VSNL1: variants seen among roughly 807,000 people sequenced by gnomAD.
VSNL1 encodes the protein visinin-like protein 1.
A neutral mutation model predicts 20.4 loss-of-function variants in VSNL1; 6 were observed. The ratio of observed to expected loss-of-function variants is 0.29; its 90% CI spans 0.16 to 0.58. The LOEUF (loss-of-function observed/expected upper bound fraction) is 0.58, where lower values mean the gene tolerates loss of function less well. VSNL1 is among the 20% of genes least tolerant of loss of function. VSNL1 has a pLI of 0.90. For missense variants in VSNL1, 100 were observed against 234.5 expected, an observed-to-expected ratio of 0.43 and a Z score of 3.75; for synonymous variants, 93 against 86.4, an observed-to-expected ratio of 1.08 and a Z score of -0.42.
chr2:17,647,992 T>C (rs1319557101), intron 2 of VSNL1, among the ~76,000 whole-genome samples: 6 of 152,124 alleles, frequency 3.9e-5, no homozygotes, highest in African/African-American at 1.2e-4. Context: ...GGAAAAGATA[T>C]GTTTGATGAA....
intron 2 of VSNL1, among the ~76,000 whole-genome samples, chr2:17,614,247 A>T (rs984683443): frequency 6.6e-6 from 1 of 152,230 alleles, no homozygotes; most frequent in African/African-American, 2.4e-5. Context: ...GGCAGCTCTT[A>T]GGAGGGGGCA....
intron 2 of VSNL1, among the ~76,000 whole-genome samples, chr2:17,620,708 A>G (rs1665334730): frequency 6.6e-6 from 1 of 152,222 alleles, no homozygotes; most frequent in East Asian, 1.9e-4. Context: ...ATTGTCTTTT[A>G]TCGAGTGACG....
chr2:17,643,327 T>G (rs190989446), intron 2 of VSNL1, among the ~76,000 whole-genome samples: 1 of 152,312 alleles, frequency 6.6e-6, no homozygotes, highest in East Asian at 1.9e-4. Flanking sequence ...AAAGTGCAAG[T>G]GCTGCTCTGG....
At chr2:17,596,185 G>T (rs1260314197) in intron 2 of VSNL1, among the ~76,000 whole-genome samples, 2 of 152,154 alleles carry the variant, frequency 1.3e-5, no homozygotes, top group African/African-American at 4.8e-5. Flanking sequence ...CTGATAGAAA[G>T]ATGCCTTCTG....
chr2:17,601,787 T>G (rs1270393066), intron 2 of VSNL1, among the ~76,000 whole-genome samples: 1 of 151,582 alleles, frequency 6.6e-6, no homozygotes. Context: ...ATACAAAAAT[T>G]AGCTGGGTGT....
chr2:17,651,375 G>C (rs1666118339), intron 3 of VSNL1, among the ~76,000 whole-genome samples: 1 of 152,216 alleles, frequency 6.6e-6, no homozygotes, highest in South Asian at 2.1e-4. Context: ...GAGGTTTACT[G>C]TGGATTGGTT....
At chr2:17,549,192 C>A (rs531698555) in intron 1 of VSNL1, among the ~76,000 whole-genome samples, 1 of 152,240 alleles carries the variant, frequency 6.6e-6, no homozygotes, top group South Asian at 2.1e-4. Context: ...TCTCAAATAA[C>A]ACCAAATAAA....
chr2:17,645,377 A>C (rs1459360324), intron 2 of VSNL1, among the ~76,000 whole-genome samples: 3 of 152,264 alleles, frequency 2.0e-5, no homozygotes, highest in Non-Finnish European at 4.4e-5. Flanking sequence ...GAGGCAGTGA[A>C]CCAGGGATCT....
chr2:17,554,009 T>C (rs1249146612), intron 1 of VSNL1, among the ~76,000 whole-genome samples: 1 of 152,180 alleles, frequency 6.6e-6, no homozygotes, highest in Non-Finnish European at 1.5e-5. Flanking sequence ...TGGGTAGATC[T>C]AAAACCATGT....
At chr2:17,582,581 G>T (rs894735869) in intron 1 of VSNL1, among the ~76,000 whole-genome samples, 1 of 152,112 alleles carries the variant, frequency 6.6e-6, no homozygotes, top group Non-Finnish European at 1.5e-5. Context: ...CTTGTTGATA[G>T]GTTTACATAC....
intron 1 of VSNL1, among the ~76,000 whole-genome samples, chr2:17,568,233 C>A (rs1169147335): frequency 6.6e-6 from 1 of 152,054 alleles, no homozygotes; most frequent in Admixed American, 6.6e-5. Flanking sequence ...TATTTTGTTA[C>A]CTTTTTAATA....
chr2:17,572,525 G>A (rs1210896978), intron 1 of VSNL1, among the ~76,000 whole-genome samples: 1 of 152,042 alleles, frequency 6.6e-6, no homozygotes, highest in Non-Finnish European at 1.5e-5. Flanking sequence ...AAGAAGAGGA[G>A]GAAGAAAAAG....
At chr2:17,607,784 C>T (rs1316948208) in intron 2 of VSNL1, among the ~76,000 whole-genome samples, 1 of 152,204 alleles carries the variant, frequency 6.6e-6, no homozygotes, top group Non-Finnish European at 1.5e-5. Context: ...TGTTTCATAG[C>T]TTAACTGAAA....
chr2:17,652,434 T>C (rs1472386747), intron 3 of VSNL1, among the ~76,000 whole-genome samples: 1 of 152,124 alleles, frequency 6.6e-6, no homozygotes, highest in Non-Finnish European at 1.5e-5. Context: ...TCACTGACAA[T>C]TGGAATTGGA....
chr2:17,576,153 A>AT (rs1234619157), intron 1 of VSNL1, among the ~76,000 whole-genome samples: 2 of 152,118 alleles, frequency 1.3e-5, no homozygotes, highest in Non-Finnish European at 2.9e-5. Context: ...AATTGTCTTC[A>AT]TTTTTTGCAG....
intron 1 of VSNL1, among the ~76,000 whole-genome samples, chr2:17,543,563 A>T (rs1481903218): frequency 6.6e-6 from 1 of 152,218 alleles, no homozygotes; most frequent in Non-Finnish European, 1.5e-5. Flanking sequence ...CCTTCCTGGA[A>T]ATCCTCCAGA....
intron 3 of VSNL1, among the ~76,000 whole-genome samples, chr2:17,653,011 A>C (rs1258624277): frequency 6.6e-6 from 1 of 152,236 alleles, no homozygotes; most frequent in East Asian, 1.9e-4. Context: ...TTGCACTGTC[A>C]GTTGTAAAGT....
chr2:17,644,010 T>C (rs931873925), intron 2 of VSNL1, among the ~76,000 whole-genome samples: 6 of 152,160 alleles, frequency 3.9e-5, no homozygotes, highest in Non-Finnish European at 7.3e-5. Flanking sequence ...AACAATTAGA[T>C]GCTATTGTCG....
intron 2 of VSNL1, among the ~76,000 whole-genome samples, chr2:17,612,115 G>T (rs13427646): frequency 6.6e-6 from 1 of 152,198 alleles, no homozygotes; most frequent in Non-Finnish European, 1.5e-5. Flanking sequence ...CATACCGTGA[G>T]AATGAGGAGA....
Sources: allele counts gnomAD v4.1 joint callset (sites outside exome capture counted in the v4.1 genomes callset), GRCh38; gene constraint gnomAD v4.1.1; transcripts MANE v1.5; gene names NCBI Gene and HGNC (gene_info 2026-07-23, HGNC 2026-07-21).